Variants in CRYBA4 observed in about 807,000 individuals in gnomAD.
CRYBA4 encodes crystallin beta A4, also known as beta-crystallin A4.
A neutral mutation model predicts 31.7 loss-of-function variants in CRYBA4; 30 were observed. That is an observed-to-expected ratio of 0.95 (90% CI 0.71 to 1.28). The LOEUF (loss-of-function observed/expected upper bound fraction) is 1.28, where lower values mean the gene tolerates loss of function less well. Ranked by LOEUF, CRYBA4 falls within the 50% of genes most tolerant of loss-of-function variation. The pLI is 0.00. For missense variants in CRYBA4, 225 were observed against 260.7 expected, an observed-to-expected ratio of 0.86 and a Z score of 0.94; for synonymous variants, 102 against 102.3, an observed-to-expected ratio of 1.00 and a Z score of 0.02.
Position 26,628,311 on chromosome 22 carries a change from A to T in CRYBA4, c.324A>T (p.Thr108=), listed in dbSNP as rs143137736. The T allele has an allele frequency of 1.5e-3, 2,378 of 1,613,978 alleles. 55 individuals carry two copies. The Admixed American group carries it at 0.037, about 25-fold the overall frequency. ...ACANHRDSRL[T]IFEQENFLGK... ...AGAACCACCGTGACTCGAGGCTGACAATCTTCGAGCAAGAGAACTTCCTGG... is the reference window on the plus strand; with the variant it reads ...AGAACCACCGTGACTCGAGGCTGACTATCTTCGAGCAAGAGAACTTCCTGG... The change falls in exon 5 of 6, where the codon ACA becomes ACT. Residue 108 remains threonine, a synonymous_variant. Transcript: ENST00000354760.
the CRYBA4 span, among the ~76,000 whole-genome samples, chr22:26,606,386 A>G: frequency 1.8e-4 from 28 of 152,326 alleles, no homozygotes; most frequent in East Asian, 4.6e-3. Flanking sequence ...TTTTTTTACT[A>G]TGTATTCAAA....
the CRYBA4 span, chr22:26,599,180 G>A: frequency 3.5e-5 from 14 of 398,938 alleles, no homozygotes; most frequent in Admixed American, 2.7e-4. Flanking sequence ...GTGTATCTGG[G>A]TTTCCCCTGC....
At chr22:26,605,611 T>TTGCAGTGAG in the CRYBA4 span, among the ~76,000 whole-genome samples, 3 of 146,808 alleles carry the variant, frequency 2.0e-5, no homozygotes, top group African/African-American at 7.5e-5. Flanking sequence ...GAGGTGAAGG[T>TTGCAGTGAG]TGCAGTGAGC....
the CRYBA4 span, among the ~76,000 whole-genome samples, chr22:26,615,178 G>A: frequency 6.6e-6 from 1 of 152,166 alleles, no homozygotes; most frequent in South Asian, 2.1e-4. Context: ...GTTGCAAAAT[G>A]GCCTACTTCT....
chr22:26,630,364 C>T lies in CRYBA4; in HGVS notation c.468C>T (p.Gly156=), dbSNP rs779384985. The T allele has an allele frequency of 3.1e-6, 5 of 1,614,246 alleles. No individual in the cohort carries two copies. Among genetic ancestry groups the T allele is most frequent in the Non-Finnish European group, 4.2e-6 (5 of 1,180,028 alleles). The change falls in exon 6 of 6, where the codon GGC becomes GGT. Residue 156 remains glycine (G), a synonymous_variant. Coordinates refer to ENST00000354760, the MANE Select transcript of CRYBA4 (RefSeq NM_001886.3). ...GCTGGGTTTGCTCCCAGTTTCCGGG[C>T]TACCGAGGATTTCAGTATGTGCTGG... ...SGAWVCSQFP[G]YRGFQYVLEC... is the part of the protein sequence containing the mutation.
chr22:26,617,761 T>C (rs553353358), upstream of CRYBA4, among the ~76,000 whole-genome samples: 25 of 152,090 alleles, frequency 1.6e-4, no homozygotes, highest in Non-Finnish European at 3.4e-4. Context: ...CTATCTGTCC[T>C]TTTTAATTAT....
In CRYBA4 at chr22:26,628,341, G is replaced by A; in HGVS notation, c.354G>A (p.Lys118=). The A allele has an allele frequency of 6.2e-7, 1 of 1,614,062 alleles. No homozygotes were observed. Among genetic ancestry groups the A allele is most frequent in the Non-Finnish European group, 8.5e-7 (1 of 1,180,014 alleles). ...TIFEQENFLG[K]KGELSDDYPS... is the part of the protein sequence containing the mutation. ...TCGAGCAAGAGAACTTCCTGGGCAA[G>A]AAAGGAGAGCTGAGCGATGACTATC... Residue 118 remains lysine, a synonymous_variant, in exon 5 of 6, where the codon AAG becomes AAA. Coordinates refer to ENST00000354760, the MANE Select transcript of CRYBA4 (RefSeq NM_001886.3).
chr22:26,621,874 G>A, upstream of CRYBA4: 1 of 611,128 alleles, frequency 1.6e-6, no homozygotes, highest in Middle Eastern at 8.4e-4. Flanking sequence ...TTGTTTCTGT[G>A]GCCCAGTTGC....
At chr22:26,598,454 G>A in the CRYBA4 span, among the ~76,000 whole-genome samples, 3 of 152,010 alleles carry the variant, frequency 2.0e-5, no homozygotes, top group East Asian at 5.8e-4. Context: ...ACGACTCACT[G>A]TAGCCTCAAA....
the CRYBA4 span, among the ~76,000 whole-genome samples, chr22:26,592,904 G>A: frequency 6.6e-6 from 1 of 152,166 alleles, no homozygotes; most frequent in East Asian, 1.9e-4. Flanking sequence ...CAGTTGAGAG[G>A]CTAAGGAGGA....
the CRYBA4 span, chr22:26,599,583 G>A: frequency 6.2e-7 from 1 of 1,614,208 alleles, no homozygotes; most frequent in African/African-American, 1.3e-5. Flanking sequence ...TCTGTGGCTG[G>A]AAGGCTCCCC....
the CRYBA4 span, among the ~76,000 whole-genome samples, chr22:26,601,542 C>T: frequency 6.6e-6 from 1 of 151,692 alleles, no homozygotes; most frequent in Non-Finnish European, 1.5e-5. Flanking sequence ...ATATTCCCTG[C>T]TCCTGGATGC....
At chr22:26,593,181 A>G in the CRYBA4 span, among the ~76,000 whole-genome samples, 272 of 152,354 alleles carry the variant, frequency 1.8e-3, 1 homozygote, top group Middle Eastern at 3.4e-3. Context: ...TCCCCAACCT[A>G]TCTTCCCAGC....
chr22:26,621,207 C>T (rs922459140), upstream of CRYBA4, among the ~76,000 whole-genome samples: 2 of 152,228 alleles, frequency 1.3e-5, no homozygotes, highest in African/African-American at 2.4e-5. Context: ...TTGCAACTAA[C>T]AGCTCCTCTA....
chr22:26,615,103 T>A, the CRYBA4 span, among the ~76,000 whole-genome samples: 1 of 152,176 alleles, frequency 6.6e-6, no homozygotes, highest in African/African-American at 2.4e-5. Context: ...AACTAATGAT[T>A]AAATAGGTAC....
At chr22:26,629,193 A>G (rs1929844426) in intron 5 of CRYBA4, among the ~76,000 whole-genome samples, 2 of 151,988 alleles carry the variant, frequency 1.3e-5, no homozygotes, top group Admixed American at 1.3e-4. Context: ...ATTCTTATTT[A>G]GGGAGGACAT....
rs766228651 is a variant in CRYBA4, at chr22:26,623,352, C to T, written c.158C>T (p.Ala53Val). The change falls in exon 3 of 6, where the codon GCG (alanine) becomes GTG (valine). Residue 53 changes from alanine (A) to valine (V), a missense_variant and splice_region_variant. Ala to Val is a moderately conservative substitution (Grantham distance 64). Transcript: ENST00000354760. Reference sequence around the variant, plus strand: ...CGATCTTTGAAAGTGCTGAGTGGAGCGTGAGTCTAGGGGGACACTGAGTTG... The same window carrying T: ...CGATCTTTGAAAGTGCTGAGTGGAGTGTGAGTCTAGGGGGACACTGAGTTG... Reference protein sequence around the residue: ...TVRSLKVLSGAWVGFEHAGFQ... With the variant: ...TVRSLKVLSGVWVGFEHAGFQ... 12 of 1,610,982 alleles carry T rather than the reference C, an allele frequency of 7.4e-6. No homozygotes were observed. Among genetic ancestry groups the T allele is most frequent in the Admixed American group, 5.0e-5 (3 of 59,984 alleles).
the CRYBA4 span, among the ~76,000 whole-genome samples, chr22:26,595,650 A>AT: frequency 6.6e-6 from 1 of 151,244 alleles, no homozygotes; most frequent in African/African-American, 2.4e-5. Flanking sequence ...TTTGTTTTTA[A>AT]TTTTTTGTAG....
the CRYBA4 span, chr22:26,607,834 C>A: frequency 6.2e-7 from 1 of 1,610,728 alleles, no homozygotes; most frequent in African/African-American, 1.3e-5. Flanking sequence ...CTCAGACTTA[C>A]ACCTGCCCTG....
Sources: gnomAD v4.1 joint callset for allele counts (sites outside exome capture counted in the v4.1 genomes callset) on GRCh38, gnomAD v4.1.1 for gene constraint, MANE v1.5 for transcripts, NCBI Gene and HGNC (gene_info 2026-07-23, HGNC 2026-07-21) for gene names.